DCDC1: variants seen among roughly 807,000 people sequenced by gnomAD.
DCDC1 encodes the protein doublecortin domain-containing protein 1.
DCDC1 carries 200 observed loss-of-function variants against 178.3 expected under a neutral mutation model. The ratio of observed to expected loss-of-function variants is 1.12; its 90% CI spans 1.00 to 1.26. The LOEUF (loss-of-function observed/expected upper bound fraction) is 1.26, where lower values mean the gene tolerates loss of function less well. Ranked by LOEUF, DCDC1 falls within the 50% of genes most tolerant of loss-of-function variation. The probability of loss-of-function intolerance (pLI) is 0.00; values close to 1 mark genes in which losing one functional copy is unlikely to be tolerated. For synonymous variants in DCDC1, 690 were observed against 604.8 expected (o/e 1.14, Z -2.07); for missense variants, 1,983 against 1,749.2 (o/e 1.13, Z -2.38).
intron 9 of DCDC1, among the ~76,000 whole-genome samples, chr11:31,183,556 C>T (rs1969107994): frequency 6.6e-6 from 1 of 152,174 alleles, no homozygotes; most frequent in Admixed American, 6.5e-5. Context: ...AGCCCAAAAT[C>T]TCCTTAAGCT....
At chr11:31,192,213 C>T (rs1348684967) in intron 9 of DCDC1, among the ~76,000 whole-genome samples, 1 of 152,064 alleles carries the variant, frequency 6.6e-6, no homozygotes, top group Non-Finnish European at 1.5e-5. Context: ...GTTCTTTCTG[C>T]TTCCAAAATT....
intron 9 of DCDC1, among the ~76,000 whole-genome samples, chr11:31,195,845 A>G (rs1262298229): frequency 6.6e-6 from 1 of 152,072 alleles, no homozygotes; most frequent in African/African-American, 2.4e-5. Flanking sequence ...ATGTTACTGA[A>G]AATAAATATT....
intron 17 of DCDC1, 31 bp from the exon 18 acceptor site, chr11:31,077,956 A>G (rs748691746): frequency 1.2e-5 from 9 of 764,322 alleles, no homozygotes; most frequent in South Asian, 8.1e-5. Context: ...AGAGATTGAC[A>G]TCTTCTCTCC....
intron 38 of DCDC1, among the ~76,000 whole-genome samples, chr11:30,874,850 C>T (rs1181328693): frequency 6.6e-6 from 1 of 152,084 alleles, no homozygotes; most frequent in African/African-American, 2.4e-5. Context: ...CTGATAGGTC[C>T]AACAGCTCGA....
intron 20 of DCDC1, among the ~76,000 whole-genome samples, chr11:30,979,190 A>C (rs1950260839): frequency 6.6e-6 from 1 of 152,112 alleles, no homozygotes; most frequent in Admixed American, 6.6e-5. Flanking sequence ...AATAGCAAGT[A>C]CATCATCACA....
chr11:31,134,583 T>C (rs912551332), intron 10 of DCDC1, among the ~76,000 whole-genome samples: 2 of 152,254 alleles, frequency 1.3e-5, no homozygotes, highest in African/African-American at 2.4e-5. Flanking sequence ...TTTTCTCTCA[T>C]AGGCATTTCT....
intron 18 of DCDC1, among the ~76,000 whole-genome samples, chr11:31,072,028 A>G (rs1956597827): frequency 6.6e-6 from 1 of 152,354 alleles, no homozygotes; most frequent in East Asian, 1.9e-4. Context: ...TATGCTTTGA[A>G]GTAATTTGTT....
intron 27 of DCDC1, 122 bp from the exon 28 acceptor site, chr11:30,911,542 C>T: frequency 1.3e-6 from 1 of 743,996 alleles, no homozygotes; most frequent in East Asian, 2.7e-5. Flanking sequence ...GAATGTGAAT[C>T]CTTTAAGAAT....
intron 11 of DCDC1, among the ~76,000 whole-genome samples, chr11:31,118,855 T>A (rs570935828): frequency 6.6e-6 from 1 of 152,222 alleles, no homozygotes; most frequent in African/African-American, 2.4e-5. Context: ...TGGGAGCTAA[T>A]GCCCAGACCA....
Position 30,941,417 on chromosome 11 carries a change from C to A in DCDC1, c.2716-9465G>T, listed in dbSNP as rs158629. On this transcript the variant is annotated intron_variant, in intron 21 of 38. Coordinates refer to ENST00000684477, the MANE Select transcript of DCDC1 (RefSeq NM_001387274.1). ...CTCTCTGACCTTCTCCCCTGCTGCC[C>A]TCTCCCTCACTCACACTGCTTCTGT... is the stretch of plus-strand genomic sequence containing the variant. Among the ~76,000 whole-genome samples the A allele has an allele frequency of 6.8e-4, 104 of 151,966 alleles. No homozygotes were observed. In the Middle Eastern group the frequency reaches 0.01, roughly 15 times the overall value.
intron 20 of DCDC1, among the ~76,000 whole-genome samples, chr11:30,976,575 G>A (rs1211755366): frequency 6.6e-6 from 1 of 151,610 alleles, no homozygotes; most frequent in Non-Finnish European, 1.5e-5. Context: ...ACAGGCATTT[G>A]AAAAAATACT....
intron 20 of DCDC1, among the ~76,000 whole-genome samples, chr11:30,987,439 C>T (rs1950717907): frequency 6.6e-6 from 1 of 152,124 alleles, no homozygotes; most frequent in African/African-American, 2.4e-5. Flanking sequence ...ATGAACAAGA[C>T]AAACATTTTT....
intron 20 of DCDC1, among the ~76,000 whole-genome samples, chr11:30,971,785 A>G (rs1339311870): frequency 6.6e-6 from 1 of 151,592 alleles, no homozygotes; most frequent in Non-Finnish European, 1.5e-5. Flanking sequence ...AATTTTTTGT[A>G]TTTTTAGTAG....
At chr11:31,145,746 T>C (rs1964372014) in intron 9 of DCDC1, among the ~76,000 whole-genome samples, 1 of 152,224 alleles carries the variant, frequency 6.6e-6, no homozygotes, top group South Asian at 2.1e-4. Context: ...TCAAGATGTT[T>C]TGGAGAATTC....
At position 30,931,879 on chromosome 11, in the gene DCDC1, G is replaced by C. The variant is rs372319196; in HGVS notation, c.2789C>G (p.Thr930Arg). 6.2e-7 allele frequency: 1 copy of C among 1,613,110 alleles called. No homozygotes were observed. The highest frequency in any genetic ancestry group is 8.5e-7 in the Non-Finnish European group (1 of 1,179,408). ...PPMKKPICKT[T>R]EPYAPVRLRV... Reference sequence around the variant, plus strand: ...GAGTCGCACAGGGGCATATGGCTCTGTTGTCTTACAGATGGGTTTCTTCAT... The same window carrying C: ...GAGTCGCACAGGGGCATATGGCTCTCTTGTCTTACAGATGGGTTTCTTCAT... The change falls in exon 22 of 39, where the codon ACA (threonine) becomes AGA (arginine). Residue 930 changes from threonine to arginine, a missense_variant. Coordinates refer to ENST00000684477, the MANE Select transcript of DCDC1 (RefSeq NM_001387274.1).
At chr11:31,251,337 T>C (rs1944016457) in intron 8 of DCDC1, among the ~76,000 whole-genome samples, 2 of 152,322 alleles carry the variant, frequency 1.3e-5, no homozygotes, top group African/African-American at 2.4e-5. Context: ...CTGAACATTA[T>C]TCTGAGTGTG....
chr11:30,908,077 T>G (rs1448042689), intron 29 of DCDC1, among the ~76,000 whole-genome samples: 1 of 152,136 alleles, frequency 6.6e-6, no homozygotes, highest in Non-Finnish European at 1.5e-5. Context: ...TGAAATGTCT[T>G]TGGGGAATTT....
At chr11:31,258,244 A>G (rs977417455) in intron 8 of DCDC1, among the ~76,000 whole-genome samples, 8 of 152,224 alleles carry the variant, frequency 5.3e-5, no homozygotes, top group Non-Finnish European at 1.0e-4. Flanking sequence ...TGGGAGAAAT[A>G]CATCCTGGGT....
intron 20 of DCDC1, among the ~76,000 whole-genome samples, chr11:30,958,519 A>G (rs1215233043): frequency 1.3e-5 from 2 of 152,148 alleles, no homozygotes; most frequent in Non-Finnish European, 2.9e-5. Flanking sequence ...TCAGAGAATG[A>G]AAGAATGGCC....
Sources: allele counts gnomAD v4.1 joint callset (sites outside exome capture counted in the v4.1 genomes callset), GRCh38; gene constraint gnomAD v4.1.1; transcripts MANE v1.5; gene names NCBI Gene and HGNC (gene_info 2026-07-23, HGNC 2026-07-21).